CFAP299: variants seen among roughly 807,000 people sequenced by gnomAD.
CFAP299 encodes cilia and flagella associated protein 299.
CFAP299 carries 21 observed loss-of-function variants against 27.0 expected under a neutral mutation model. The ratio of observed to expected loss-of-function variants is 0.78; its 90% CI spans 0.55 to 1.12. The LOEUF (loss-of-function observed/expected upper bound fraction) is 1.12. CFAP299 is among the 50% of genes most tolerant of loss of function. CFAP299 has a pLI of 0.00. For missense variants in CFAP299, 310 were observed against 276.6 expected, an observed-to-expected ratio of 1.12 and a Z score of -0.86; for synonymous variants, 104 against 98.1, an observed-to-expected ratio of 1.06 and a Z score of -0.36.
intron 3 of CFAP299, among the ~76,000 whole-genome samples, chr4:80,640,148 A>G (rs963433571): frequency 1.3e-5 from 2 of 152,220 alleles, no homozygotes; most frequent in African/African-American, 2.4e-5. Context: ...TAAAAAATAA[A>G]TAAACTAAGT....
At chr4:80,489,536 A>C (rs1342710128) in intron 2 of CFAP299, among the ~76,000 whole-genome samples, 1 of 152,230 alleles carries the variant, frequency 6.6e-6, no homozygotes, top group Non-Finnish European at 1.5e-5. Flanking sequence ...TCTGGGCTAC[A>C]TCAAAGAGTG....
At chr4:80,946,233 G>T (rs952544062) in intron 5 of CFAP299, among the ~76,000 whole-genome samples, 5 of 152,110 alleles carry the variant, frequency 3.3e-5, no homozygotes, top group Non-Finnish European at 7.4e-5. Flanking sequence ...ATTTAAACAG[G>T]ATAGAAGCTG....
chr4:80,670,199 T>C (rs946297386), intron 3 of CFAP299, among the ~76,000 whole-genome samples: 2 of 152,016 alleles, frequency 1.3e-5, no homozygotes, highest in African/African-American at 4.8e-5. Flanking sequence ...CCAAGTGTTC[T>C]CATTGTTCAA....
intron 5 of CFAP299, among the ~76,000 whole-genome samples, chr4:80,958,330 C>A (rs1020697338): frequency 1.3e-5 from 2 of 152,120 alleles, no homozygotes. Context: ...TGTTTTCAAA[C>A]ATGACATTAC....
At chr4:80,930,067 T>C (rs1433221734) in intron 4 of CFAP299, among the ~76,000 whole-genome samples, 1 of 152,112 alleles carries the variant, frequency 6.6e-6, no homozygotes, top group African/African-American at 2.4e-5. Flanking sequence ...TGTTGGGATT[T>C]TCAGTCCCAT....
intron 3 of CFAP299, among the ~76,000 whole-genome samples, chr4:80,807,343 A>G (rs1043930063): frequency 3.9e-5 from 6 of 152,148 alleles, no homozygotes; most frequent in African/African-American, 1.4e-4. Context: ...ATGAATCACA[A>G]CGTCGGAATA....
At chr4:80,873,273 T>C (rs1360680698) in intron 4 of CFAP299, among the ~76,000 whole-genome samples, 1 of 152,194 alleles carries the variant, frequency 6.6e-6, no homozygotes, top group Non-Finnish European at 1.5e-5. Context: ...TAGCATGGTC[T>C]TTTATTCTAT....
At chr4:80,512,221 A>AGT (rs3037370) in intron 2 of CFAP299, among the ~76,000 whole-genome samples, 27,215 of 148,370 alleles carry the variant, frequency 0.18, 2,718 homozygotes, top group African/African-American at 0.27. Flanking sequence ...CATATTACAT[A>AGT]GTGTGTGTGT....
intron 3 of CFAP299, among the ~76,000 whole-genome samples, chr4:80,685,694 G>A (rs757809804): frequency 1.9e-4 from 28 of 149,952 alleles, no homozygotes; most frequent in Non-Finnish European, 4.1e-4. Context: ...AGGTGCCTGT[G>A]CTCTGGTTAG....
At chr4:80,414,335 G>T (rs1163500260) in intron 2 of CFAP299, among the ~76,000 whole-genome samples, 1 of 152,008 alleles carries the variant, frequency 6.6e-6, no homozygotes, top group Non-Finnish European at 1.5e-5. Flanking sequence ...CTCCCAAAGT[G>T]CTGGGATTAC....
At chr4:80,688,362 C>T (rs1240282762) in intron 3 of CFAP299, among the ~76,000 whole-genome samples, 2 of 151,944 alleles carry the variant, frequency 1.3e-5, no homozygotes, top group African/African-American at 4.8e-5. Flanking sequence ...CAGAATGCCT[C>T]CTCAAGTGGG....
At chr4:80,835,457 A>G (rs1730511850) in intron 3 of CFAP299, among the ~76,000 whole-genome samples, 1 of 151,218 alleles carries the variant, frequency 6.6e-6, no homozygotes, top group African/African-American at 2.4e-5. Flanking sequence ...TAAAGTAAAC[A>G]CAACTGAGTA....
chr4:80,828,922 T>C (rs186791744), intron 3 of CFAP299, among the ~76,000 whole-genome samples: 1 of 151,924 alleles, frequency 6.6e-6, no homozygotes, highest in East Asian at 1.9e-4. Flanking sequence ...TAACATCACA[T>C]AAAAAAATTA....
chr4:80,828,875 A>G (rs761596865), intron 3 of CFAP299, among the ~76,000 whole-genome samples: 8 of 152,124 alleles, frequency 5.3e-5, no homozygotes, highest in Non-Finnish European at 8.8e-5. Context: ...GGGAAAACTC[A>G]GTATCTGCAT....
chr4:80,908,137 A>G (rs1293892425), intron 4 of CFAP299, among the ~76,000 whole-genome samples: 3 of 152,134 alleles, frequency 2.0e-5, no homozygotes, highest in South Asian at 4.1e-4. Context: ...GAATTTTTCA[A>G]CTCTCATAAA....
intron 3 of CFAP299, among the ~76,000 whole-genome samples, chr4:80,622,050 G>T (rs1738633407): frequency 6.6e-6 from 1 of 152,104 alleles, no homozygotes; most frequent in Admixed American, 6.6e-5. Flanking sequence ...GATTATAGTT[G>T]GGGTCAGATC....
At chr4:80,487,112 G>T (rs1053854460) in intron 2 of CFAP299, among the ~76,000 whole-genome samples, 2 of 152,136 alleles carry the variant, frequency 1.3e-5, no homozygotes, top group Non-Finnish European at 2.9e-5. Flanking sequence ...AAGTAAATTT[G>T]ATTCAACTCC....
chr4:80,401,616 T>C (rs989515578), intron 2 of CFAP299, among the ~76,000 whole-genome samples: 4 of 152,162 alleles, frequency 2.6e-5, no homozygotes, highest in Non-Finnish European at 4.4e-5. Context: ...AGGCAAAAGT[T>C]TGCTGCAGGG....
intron 4 of CFAP299, among the ~76,000 whole-genome samples, chr4:80,873,666 C>T (rs1261366305): frequency 6.6e-6 from 1 of 152,194 alleles, no homozygotes; most frequent in African/African-American, 2.4e-5. Context: ...TTCTAATTCA[C>T]TGTTCACCTC....
Sources: gnomAD v4.1 joint callset for allele counts (sites outside exome capture counted in the v4.1 genomes callset) on GRCh38, gnomAD v4.1.1 for gene constraint, MANE v1.5 for transcripts, NCBI Gene and HGNC (gene_info 2026-07-23, HGNC 2026-07-21) for gene names.